LCP2: variants seen among roughly 807,000 people sequenced by gnomAD.
The protein encoded by LCP2 is 76 kDa tyrosine phosphoprotein.
A neutral mutation model predicts 74.5 loss-of-function variants in LCP2; 29 were observed. The ratio of observed to expected loss-of-function variants is 0.39; its 90% confidence interval spans 0.29 to 0.53. The LOEUF (loss-of-function observed/expected upper bound fraction) is 0.53, where lower values mean the gene tolerates loss of function less well. Among genes scored for constraint, LCP2 ranks in the 20% least tolerant of loss-of-function variants. The pLI is 0.72. For synonymous variants in LCP2, 228 were observed against 229.5 expected (o/e 0.99, Z 0.06); for missense variants, 604 against 634.6 (o/e 0.95, Z 0.52).
At chr5:170,255,779 C>T (rs1164610381) in intron 17 of LCP2, among the ~76,000 whole-genome samples, 1 of 152,194 alleles carries the variant, frequency 6.6e-6, no homozygotes, top group Non-Finnish European at 1.5e-5. Flanking sequence ...GAAACTCAGG[C>T]CTCACCCCAG....
At chr5:170,284,817 C>G (rs1210307848) in intron 3 of LCP2, among the ~76,000 whole-genome samples, 1 of 149,496 alleles carries the variant, frequency 6.7e-6, no homozygotes, top group Non-Finnish European at 1.5e-5. Flanking sequence ...GTGGTGCCAT[C>G]TCAGCTCACT....
intron 3 of LCP2, among the ~76,000 whole-genome samples, chr5:170,280,946 G>A (rs951932598): frequency 1.3e-5 from 2 of 152,198 alleles, no homozygotes; most frequent in Non-Finnish European, 2.9e-5. Context: ...GGAGGTTGCA[G>A]TGAGCCAAGA....
chr5:170,277,074 T>TA (rs750930541), intron 3 of LCP2, among the ~76,000 whole-genome samples: 9,642 of 91,012 alleles, frequency 0.11, 552 homozygotes, highest in Middle Eastern at 0.15. Context: ...GACTCCATCT[T>TA]AAAAAAAAAA....
At chr5:170,288,855 G>T (rs1021450263) in intron 2 of LCP2, among the ~76,000 whole-genome samples, 9 of 152,148 alleles carry the variant, frequency 5.9e-5, no homozygotes, top group African/African-American at 1.9e-4. Flanking sequence ...AGAGGATTAT[G>T]GGGGGAAAGG....
intron 16 of LCP2, among the ~76,000 whole-genome samples, chr5:170,257,478 A>G (rs1761574639): frequency 6.6e-6 from 1 of 152,054 alleles, no homozygotes; most frequent in African/African-American, 2.4e-5. Flanking sequence ...GGGCTGGAGG[A>G]CTTGGGGGAC....
chr5:170,291,683 A>G (rs758796731), intron 2 of LCP2, among the ~76,000 whole-genome samples: 2 of 152,198 alleles, frequency 1.3e-5, no homozygotes, highest in South Asian at 2.1e-4. Flanking sequence ...ACCCAGTCCA[A>G]TGTGCTCAGT....
intron 2 of LCP2, among the ~76,000 whole-genome samples, chr5:170,290,874 G>A (rs1317954551): frequency 4.0e-5 from 6 of 150,708 alleles, no homozygotes; most frequent in African/African-American, 1.5e-4. Flanking sequence ...TACCAGATAA[G>A]GATCTAACCT....
chr5:170,258,394 A>G, intron 15 of LCP2: 1 of 427,480 alleles, frequency 2.3e-6, no homozygotes, highest in Non-Finnish European at 4.2e-6. Flanking sequence ...TCTAGATGAT[A>G]CTCTAAAATA....
intron 3 of LCP2, among the ~76,000 whole-genome samples, chr5:170,285,649 CTA>C (rs533210665): frequency 1.3e-3 from 192 of 152,308 alleles, no homozygotes; most frequent in Admixed American, 3.4e-3. Context: ...TACCGAATGA[CTA>C]TGTTTTCCAG....
At chr5:170,250,658 A>G in intron 20 of LCP2, 72 bp downstream of exon 20, 1 of 1,191,218 alleles carries the variant, frequency 8.4e-7, no homozygotes, top group Non-Finnish European at 1.3e-6. Flanking sequence ...ACTCTCAAAG[A>G]TCGCTCCATG....
chr5:170,264,798 CA>C (rs1283787706), intron 10 of LCP2, among the ~76,000 whole-genome samples: 3 of 139,990 alleles, frequency 2.1e-5, no homozygotes, highest in East Asian at 2.4e-4. Flanking sequence ...GACCCTGACT[CA>C]AAAAAAACTA....
intron 6 of LCP2, among the ~76,000 whole-genome samples, chr5:170,273,308 C>T (rs779345163): frequency 1.3e-5 from 2 of 152,230 alleles, no homozygotes; most frequent in African/African-American, 2.4e-5. Context: ...TAAACAGAAA[C>T]ATTCCAGCGG....
intron 10 of LCP2, among the ~76,000 whole-genome samples, chr5:170,266,321 T>C (rs1561970255): frequency 6.6e-6 from 1 of 152,230 alleles, no homozygotes; most frequent in Non-Finnish European, 1.5e-5. Flanking sequence ...GCATTTTCTA[T>C]GTACAGAACA....
chr5:170,289,675 C>CTTTCTT (rs1762251739), intron 2 of LCP2, among the ~76,000 whole-genome samples: 8 of 113,420 alleles, frequency 7.1e-5, no homozygotes, highest in East Asian at 6.9e-4. Context: ...CTTTCTTTCT[C>CTTTCTT]TCTCTCTCTC....
chr5:170,284,898 C>T lies in LCP2; in HGVS notation c.188+3072G>A, dbSNP rs116453713. Among the ~76,000 whole-genome samples the T allele has an allele frequency of 8.7e-3, 1,320 of 152,088 alleles. 20 individuals carry two copies. Among genetic ancestry groups the T allele is most frequent in the African/African-American group, 0.031 (1,271 of 41,500 alleles). On this transcript the variant is annotated intron_variant, in intron 3 of 20. Transcript: ENST00000046794. ...CTTCAGTAGCTGGAACTACAGTCGC[C>T]TGCCACCAAGCCTGGTGAATTTTTG...
chr5:170,254,641 T>A (rs1761517346), intron 17 of LCP2, among the ~76,000 whole-genome samples: 1 of 152,216 alleles, frequency 6.6e-6, no homozygotes, highest in Non-Finnish European at 1.5e-5. Flanking sequence ...GCTTGTTGAA[T>A]GAATGAAACC....
At chr5:170,297,393 C>T in intron 1 of LCP2, 141 bp downstream of exon 1, 1 of 671,808 alleles carries the variant, frequency 1.5e-6, no homozygotes, top group South Asian at 2.0e-5. Context: ...ATATGGCGCT[C>T]ACTCAACCAG....
At position 170,297,427 on chromosome 5, in the gene LCP2, G is replaced by A. The variant is rs148569615; in HGVS notation, c.78+107C>T. 16 of 946,138 alleles carry A rather than the reference G, an allele frequency of 1.7e-5. No individual in the cohort carries two copies. In the Middle Eastern group the frequency reaches 6.6e-4, roughly 39 times the overall value. 58.6% of individuals were successfully genotyped at this position (946,138 alleles called of 1,614,324 possible). Reference sequence around the variant, plus strand: ...AGTAAAGTTGCCATAGGGTTCCATTGCTATCTTATACACCTCCCACATTCT... The same window carrying A: ...AGTAAAGTTGCCATAGGGTTCCATTACTATCTTATACACCTCCCACATTCT... On this transcript the variant is annotated intron_variant, in intron 1 of 20. Transcript: ENST00000046794.
chr5:170,252,686 T>C (rs1761472605), intron 18 of LCP2, 175 bp from the exon 19 acceptor site: 3 of 555,334 alleles, frequency 5.4e-6, no homozygotes, highest in Non-Finnish European at 9.7e-6. Flanking sequence ...ATAGAAGATA[T>C]TTTGTGCGAA....
Sources: gnomAD v4.1 joint callset for allele counts (sites outside exome capture counted in the v4.1 genomes callset) on GRCh38, gnomAD v4.1.1 for gene constraint, MANE v1.5 for transcripts, NCBI Gene and HGNC (gene_info 2026-07-23, HGNC 2026-07-21) for gene names.